DCLK1: variants seen among roughly 807,000 people sequenced by gnomAD.
The protein encoded by DCLK1 is serine/threonine-protein kinase DCLK1.
A neutral mutation model predicts 86.2 loss-of-function variants in DCLK1; 16 were observed. That is an observed-to-expected ratio of 0.19 (90% CI 0.13 to 0.28). The LOEUF (loss-of-function observed/expected upper bound fraction) is 0.28. DCLK1 is among the 10% of genes least tolerant of loss of function. DCLK1 has a pLI of 1.00. For synonymous variants in DCLK1, 369 were observed against 370.5 expected (o/e 1.00, Z 0.05); for missense variants, 590 against 940.2 (o/e 0.63, Z 4.87).
At chr13:35,958,292 A>AATCATC (rs1878245655) in intron 3 of DCLK1, among the ~76,000 whole-genome samples, 1 of 456 alleles carries the variant, frequency 2.2e-3, no homozygotes, top group African/African-American at 4.8e-3. Context: ...CTGCCACTAT[A>AATCATC]ACCACTATAA....
intron 3 of DCLK1, among the ~76,000 whole-genome samples, chr13:36,053,883 C>A (rs1244681363): frequency 6.6e-6 from 1 of 151,992 alleles, no homozygotes; most frequent in Non-Finnish European, 1.5e-5. Context: ...AAAGCACACA[C>A]TGAGGCATAA....
In DCLK1 at chr13:36,125,977, T is replaced by C. The variant is rs1304735527; in HGVS notation, c.161A>G (p.Lys54Arg). 2 of 1,614,208 alleles carry C rather than the reference T, an allele frequency of 1.2e-6. No individual in the cohort carries two copies. The highest frequency in any genetic ancestry group is 1.7e-5 in the Admixed American group (1 of 60,020). ...ATAGAAACGAACTTTCTTGGCCTTC[T>C]TCTCGGAGCTGAGCGTCTGCAGCGT... Reference protein sequence around the residue: ...TRTLQTLSSEKKAKKVRFYRN... With the variant: ...TRTLQTLSSERKAKKVRFYRN... Residue 54 changes from lysine (K) to arginine (R), a missense_variant, in exon 2 of 17, where the codon AAG becomes AGG. Around this residue, in one of 6 missense-constraint regions of DCLK1, gnomAD observed 195 missense variants for 365.1 expected, o/e 0.53. Transcript: ENST00000360631.
intron 10 of DCLK1, among the ~76,000 whole-genome samples, chr13:35,826,564 A>AAGGG (rs1555342400): frequency 0.012 from 550 of 46,056 alleles, 196 homozygotes; most frequent in Middle Eastern, 0.044. Flanking sequence ...AGAAAGAAAC[A>AAGGG]AGTCCTAATT....
At chr13:35,843,538 A>AAAAG (rs1199804965) in intron 6 of DCLK1, among the ~76,000 whole-genome samples, 1 of 152,240 alleles carries the variant, frequency 6.6e-6, no homozygotes, top group East Asian at 1.9e-4. Context: ...TGTGTAGTGG[A>AAAAG]AAAGAGTTCA....
chr13:35,824,841 C>T (rs931779683), intron 10 of DCLK1, among the ~76,000 whole-genome samples: 3 of 152,182 alleles, frequency 2.0e-5, no homozygotes, highest in African/African-American at 7.2e-5. Flanking sequence ...TAGTGACCCT[C>T]ACACTCCAGG....
At chr13:35,868,811 A>G (rs112192818) in intron 5 of DCLK1, among the ~76,000 whole-genome samples, 3,056 of 152,138 alleles carry the variant, frequency 0.02, 126 homozygotes, top group African/African-American at 0.069. Flanking sequence ...TTGTTTTGAG[A>G]CAGTGTCTTG....
At chr13:35,918,823 A>G (rs1406229848) in intron 4 of DCLK1, among the ~76,000 whole-genome samples, 1 of 151,142 alleles carries the variant, frequency 6.6e-6, no homozygotes, top group African/African-American at 2.4e-5. Flanking sequence ...ATAACAACAC[A>G]AGTGCTCCTA....
At chr13:35,933,858 T>C (rs996368642) in intron 4 of DCLK1, among the ~76,000 whole-genome samples, 1 of 152,240 alleles carries the variant, frequency 6.6e-6, no homozygotes, top group Non-Finnish European at 1.5e-5. Flanking sequence ...CTTATGCAAA[T>C]TTCTGCAGCT....
chr13:35,830,417 A>G (rs1868861493), intron 8 of DCLK1, among the ~76,000 whole-genome samples: 1 of 152,112 alleles, frequency 6.6e-6, no homozygotes, highest in Non-Finnish European at 1.5e-5. Flanking sequence ...AGAAAATGAG[A>G]AAGTGAAATG....
At chr13:35,881,664 T>C (rs1161459178) in intron 4 of DCLK1, among the ~76,000 whole-genome samples, 1 of 152,152 alleles carries the variant, frequency 6.6e-6, no homozygotes, top group African/African-American at 2.4e-5. Context: ...ATACATCCAG[T>C]TCCTTGTGGC....
chr13:35,983,858 A>G (rs1405581302), intron 3 of DCLK1, among the ~76,000 whole-genome samples: 2 of 152,114 alleles, frequency 1.3e-5, no homozygotes, highest in East Asian at 3.9e-4. Context: ...ACCTCCTTGA[A>G]CAGGAGACTG....
intron 3 of DCLK1, among the ~76,000 whole-genome samples, chr13:35,996,670 T>C (rs9546049): frequency 0.064 from 9,685 of 151,696 alleles, 460 homozygotes; most frequent in Non-Finnish European, 0.094. Flanking sequence ...CCTGTCTCGA[T>C]GTTCACGTGA....
At chr13:35,948,777 T>A (rs760582004) in intron 3 of DCLK1, among the ~76,000 whole-genome samples, 2 of 152,180 alleles carry the variant, frequency 1.3e-5, no homozygotes, top group Admixed American at 6.5e-5. Context: ...AGTCTGCCCA[T>A]GAAAGCTTAA....
rs1566658738 is a variant in DCLK1, at chr13:36,045,364, A to ATC, written c.723+66504_723+66505insGA. On this transcript the variant is annotated intron_variant, in intron 3 of 16. Coordinates refer to ENST00000360631, the MANE Select transcript of DCLK1 (RefSeq NM_001330071.2). ...TATATATATATATATATATATATAT[A>ATC]TATATATATATATTTCAAGGTAAAT... Among the ~76,000 whole-genome samples, 66 of 130,206 alleles carry ATC rather than the reference A, an allele frequency of 5.1e-4. 1 individual carries two copies. The highest frequency in any genetic ancestry group is 1.8e-3 in the East Asian group (8 of 4,484). 85.4% of individuals were successfully genotyped at this position (130,206 alleles called of 152,430 possible).
chr13:36,069,897 TC>T lies in DCLK1; in HGVS notation c.723+41971del, dbSNP rs1402864282. The stretch of plus-strand genomic sequence containing the variant: ...ATTAACACTAGAGCAACAGCATCCA[TC>T]AGCGATAGGATTGAACTAGAATGAT... On this transcript the variant is annotated intron_variant, in intron 3 of 16. Coordinates refer to ENST00000360631, the MANE Select transcript of DCLK1 (RefSeq NM_001330071.2). 1.9e-4 allele frequency among the ~76,000 whole-genome samples: 29 copies of T among 152,276 alleles called. No homozygotes were observed. The East Asian group carries it at 4.8e-3, about 25-fold the overall frequency.
intron 4 of DCLK1, among the ~76,000 whole-genome samples, chr13:35,930,139 T>C (rs748506083): frequency 6.6e-6 from 1 of 152,200 alleles, no homozygotes; most frequent in Admixed American, 6.5e-5. Flanking sequence ...TTTCCTGAAG[T>C]AGATATTTAA....
intron 3 of DCLK1, among the ~76,000 whole-genome samples, chr13:35,978,739 A>G (rs1321055090): frequency 6.6e-6 from 1 of 152,192 alleles, no homozygotes; most frequent in East Asian, 1.9e-4. Context: ...TCAAATTTAC[A>G]CTTACCCTGA....
chr13:35,875,761 T>C (rs1217131371), intron 4 of DCLK1, among the ~76,000 whole-genome samples: 1 of 152,178 alleles, frequency 6.6e-6, no homozygotes, highest in Non-Finnish European at 1.5e-5. Flanking sequence ...CCTGCCATAT[T>C]AAAAAGCATG....
intron 3 of DCLK1, among the ~76,000 whole-genome samples, chr13:36,012,516 G>C (rs1031771539): frequency 1.4e-5 from 2 of 144,630 alleles, no homozygotes; most frequent in Non-Finnish European, 3.0e-5. Context: ...TGAAATTCTG[G>C]GTTGAAAATT....
Sources: allele counts gnomAD v4.1 joint callset (sites outside exome capture counted in the v4.1 genomes callset), GRCh38; gene constraint gnomAD v4.1.1; regional missense constraint gnomAD v4.1.1; transcripts MANE v1.5; gene names NCBI Gene and HGNC (gene_info 2026-07-23, HGNC 2026-07-21).